Variants in GBE1 observed in about 807,000 individuals in gnomAD.
The protein encoded by GBE1 is 1,4-alpha-glucan branching enzyme 1.
GBE1 carries 70 observed loss-of-function variants against 88.8 expected under a neutral mutation model. The observed-to-expected ratio is 0.79, with a 90% CI of 0.65 to 0.96. The LOEUF is 0.96. GBE1 is among the 40% of genes least tolerant of loss of function. GBE1 has a pLI of 0.00. For missense variants in GBE1, 872 were observed against 871.0 expected (o/e 1.00, Z -0.01); for synonymous variants, 284 against 300.1 (o/e 0.95, Z 0.56).
intron 7 of GBE1, among the ~76,000 whole-genome samples, chr3:81,620,173 G>T (rs1366061583): frequency 7.1e-6 from 1 of 140,688 alleles, no homozygotes; most frequent in African/African-American, 2.8e-5. Flanking sequence ...AATTATTTTT[G>T]ACATGGAAAT....
At chr3:81,655,659 G>T (rs1704925253) in intron 3 of GBE1, among the ~76,000 whole-genome samples, 1 of 152,018 alleles carries the variant, frequency 6.6e-6, no homozygotes, top group Non-Finnish European at 1.5e-5. Context: ...TGGGATTACA[G>T]GCACCTGCCA....
At chr3:81,726,345 G>A (rs1264307094) in intron 1 of GBE1, among the ~76,000 whole-genome samples, 1 of 151,990 alleles carries the variant, frequency 6.6e-6, no homozygotes, top group Non-Finnish European at 1.5e-5. Flanking sequence ...TTGTGAGCGT[G>A]GTTTTGAGAA....
chr3:81,712,656 G>C (rs1705885472), intron 1 of GBE1, among the ~76,000 whole-genome samples: 1 of 152,050 alleles, frequency 6.6e-6, no homozygotes, highest in Non-Finnish European at 1.5e-5. Flanking sequence ...CGTGGGGTGG[G>C]GGAAGGGGGG....
intron 10 of GBE1, 75 bp downstream of exon 10, chr3:81,586,017 A>C: frequency 1.2e-6 from 1 of 825,482 alleles, no homozygotes; most frequent in Non-Finnish European, 1.9e-6. Flanking sequence ...AATGATTACA[A>C]CTAAGAAATA....
chr3:81,628,749 A>ATATATATG (rs1553687053), intron 7 of GBE1, among the ~76,000 whole-genome samples: 14 of 67,266 alleles, frequency 2.1e-4, no homozygotes, highest in Non-Finnish European at 4.5e-4. Context: ...TTGCATATAT[A>ATATATATG]TATATATATA....
chr3:81,620,008 A>T lies in GBE1; in HGVS notation c.992+22773T>A, dbSNP rs998921510. Among the ~76,000 whole-genome samples, 11 of 152,118 alleles carry T rather than the reference A, an allele frequency of 7.2e-5. No homozygotes were observed. The South Asian group carries it at 1.7e-3, about 23-fold the overall frequency. ...TATGAGCTAAAATATCTCCATATTT[A>T]AAAAAATATACTTTGCAAATTAATT... is the stretch of plus-strand genomic sequence containing the variant. On this transcript the variant is annotated intron_variant, in intron 7 of 15. Coordinates refer to ENST00000429644, the MANE Select transcript of GBE1 (RefSeq NM_000158.4).
At chr3:81,622,234 A>G (rs1016696388) in intron 7 of GBE1, among the ~76,000 whole-genome samples, 1 of 152,208 alleles carries the variant, frequency 6.6e-6, no homozygotes, top group African/African-American at 2.4e-5. Context: ...TTTTTAGTCC[A>G]AATAAATGAC....
intron 12 of GBE1, among the ~76,000 whole-genome samples, chr3:81,562,261 A>G (rs1703429943): frequency 6.6e-6 from 1 of 152,106 alleles, no homozygotes; most frequent in South Asian, 2.1e-4. Flanking sequence ...GAAACAAATT[A>G]CTTTCTCCCT....
intron 12 of GBE1, among the ~76,000 whole-genome samples, chr3:81,550,972 C>T (rs1703264208): frequency 6.6e-6 from 1 of 152,120 alleles, no homozygotes; most frequent in Admixed American, 6.5e-5. Flanking sequence ...TTCTTTCTTG[C>T]CTAGATCCAA....
At chr3:81,630,550 T>C (rs1000107143) in intron 7 of GBE1, among the ~76,000 whole-genome samples, 1 of 152,180 alleles carries the variant, frequency 6.6e-6, no homozygotes, top group African/African-American at 2.4e-5. Flanking sequence ...CCCAGTTCCA[T>C]TACTACAAAA....
chr3:81,676,705 T>C (rs544707487), intron 2 of GBE1, among the ~76,000 whole-genome samples: 2 of 152,256 alleles, frequency 1.3e-5, no homozygotes, highest in East Asian at 3.9e-4. Flanking sequence ...GTTTGTTACA[T>C]AGGTATACAT....
chr3:81,748,374 G>T (rs551348988), intron 1 of GBE1, among the ~76,000 whole-genome samples: 2 of 152,252 alleles, frequency 1.3e-5, no homozygotes, highest in African/African-American at 4.8e-5. Context: ...CACTTTGGAA[G>T]GCCGAGGAGG....
At chr3:81,635,591 C>T (rs1000340899) in intron 7 of GBE1, among the ~76,000 whole-genome samples, 2 of 152,092 alleles carry the variant, frequency 1.3e-5, no homozygotes, top group African/African-American at 4.8e-5. Context: ...AGAAAATAGA[C>T]ATGTTTAAAC....
intron 14 of GBE1, among the ~76,000 whole-genome samples, chr3:81,504,634 G>A (rs1702631108): frequency 6.6e-6 from 1 of 152,066 alleles, no homozygotes; most frequent in African/African-American, 2.4e-5. Context: ...GGTTGAAGTA[G>A]ATAAGTTTTC....
intron 1 of GBE1, among the ~76,000 whole-genome samples, chr3:81,720,917 T>C (rs1310469390): frequency 5.7e-5 from 8 of 140,166 alleles, no homozygotes; most frequent in Non-Finnish European, 1.1e-4. Context: ...TGGATGAAAT[T>C]GGAAACCATC....
chr3:81,640,124 T>C (rs562094761), intron 7 of GBE1, among the ~76,000 whole-genome samples: 6 of 152,330 alleles, frequency 3.9e-5, no homozygotes, highest in African/African-American at 1.2e-4. Context: ...TGTTTAATAA[T>C]GTCATGACTA....
chr3:81,639,970 T>A (rs970015459), intron 7 of GBE1, among the ~76,000 whole-genome samples: 2 of 152,146 alleles, frequency 1.3e-5, no homozygotes, highest in Admixed American at 1.3e-4. Context: ...ACAAAATAAA[T>A]ATTGCTGTTA....
chr3:81,609,175 G>A (rs1428479937), intron 7 of GBE1, among the ~76,000 whole-genome samples: 1 of 152,142 alleles, frequency 6.6e-6, no homozygotes, highest in Non-Finnish European at 1.5e-5. Flanking sequence ...GAAGAAAAAA[G>A]GGGAATGAAA....
rs954837127 is a variant in GBE1 at position 81,562,719 on chromosome 3, C to A, written c.1618+15206G>T. ...GGCAAGTCATCTAAATAATCTGTATCCCCTCAACCTCTCAAAGAAAATATA... is the reference window on the plus strand; with the variant it reads ...GGCAAGTCATCTAAATAATCTGTATACCCTCAACCTCTCAAAGAAAATATA... On this transcript the variant is annotated intron_variant, in intron 12 of 15. Transcript: ENST00000429644. Among the ~76,000 whole-genome samples the A allele has an allele frequency of 4.5e-4, 69 of 152,118 alleles. 1 individual carries two copies. Among genetic ancestry groups the A allele is most frequent in the Admixed American group, 3.8e-3 (58 of 15,230 alleles).
Sources: gnomAD v4.1 joint callset for allele counts (sites outside exome capture counted in the v4.1 genomes callset) on GRCh38, gnomAD v4.1.1 for gene constraint, MANE v1.5 for transcripts, NCBI Gene and HGNC (gene_info 2026-07-23, HGNC 2026-07-21) for gene names.